Variants in FBXO11 observed in about 807,000 individuals in gnomAD.
The protein encoded by FBXO11 is F-box protein 11.
In FBXO11, 13 loss-of-function variants were observed where a neutral mutation model predicts 117.0. That is an observed-to-expected ratio of 0.11 (90% CI 0.07 to 0.18). The LOEUF (loss-of-function observed/expected upper bound fraction) is 0.18, where lower values mean the gene tolerates loss of function less well. Among genes scored for constraint, FBXO11 ranks in the 10% least tolerant of loss-of-function variants. FBXO11 has a pLI of 1.00. For synonymous variants in FBXO11, 490 were observed against 380.5 expected, an observed-to-expected ratio of 1.29 and a Z score of -3.35; for missense variants, 767 against 1,164.4, an observed-to-expected ratio of 0.66 and a Z score of 4.97.
rs138408700 is a variant in FBXO11 at position 47,832,448 on chromosome 2, T to C, written c.1299A>G (p.Leu433=). The part of the protein sequence containing the change: ...YEDNEISNNA[L]AGIWVKNHGN... ...CATGATTTTTAACCCAAATCCCAGC[T>C]AACGCATTATTGGAAATTTCATTAT... Residue 433 remains leucine, a synonymous_variant, in exon 11 of 23, where the codon TTA becomes TTG. Transcript: ENST00000403359. 3.2e-5 allele frequency: 51 copies of C among 1,613,664 alleles called. No individual in the cohort carries two copies. The highest frequency in any genetic ancestry group is 4.2e-5 in the Non-Finnish European group (49 of 1,179,834).
intron 1 of FBXO11, among the ~76,000 whole-genome samples, chr2:47,899,551 C>T (rs1218844599): frequency 6.6e-6 from 1 of 152,160 alleles, no homozygotes; most frequent in Non-Finnish European, 1.5e-5. Context: ...TAACATTGCT[C>T]ACCAAATGTT....
intron 1 of FBXO11, among the ~76,000 whole-genome samples, chr2:47,876,662 T>C (rs1676028983): frequency 6.6e-6 from 1 of 152,130 alleles, no homozygotes; most frequent in Non-Finnish European, 1.5e-5. Context: ...TTTTTCATTT[T>C]GAAAAGCTTT....
Position 47,905,906 on chromosome 2 carries a change from TAGAC to T in FBXO11, c.-190_-187del, listed in dbSNP as rs970073412. On this transcript the variant is annotated 5_prime_UTR_variant, in exon 1 of 23. Coordinates refer to ENST00000403359, the MANE Select transcript of FBXO11 (RefSeq NM_001190274.2). ...CCCCGAGTCCGGAGAAAGGCCCGGG[TAGAC>T]AGACGGAGACCGAGCGAGGCCGGCC... 2.3e-4 allele frequency: 131 copies of T among 558,594 alleles called. No individual in the cohort carries two copies. Among genetic ancestry groups the T allele is most frequent in the Non-Finnish European group, 3.3e-4 (113 of 344,804 alleles). 34.6% of individuals were successfully genotyped at this position (558,594 alleles called of 1,614,324 possible).
chr2:47,825,905 C>T (rs933655264), intron 11 of FBXO11, among the ~76,000 whole-genome samples: 11 of 151,270 alleles, frequency 7.3e-5, no homozygotes, highest in Admixed American at 1.3e-4. Flanking sequence ...ACTTTTACAG[C>T]GCTGCAAGCA....
chr2:47,899,952 G>A (rs994397491), intron 1 of FBXO11, among the ~76,000 whole-genome samples: 1 of 151,876 alleles, frequency 6.6e-6, no homozygotes, highest in South Asian at 2.1e-4. Context: ...AACGGTGGGG[G>A]GCGGGGGGAC....
chr2:47,895,726 T>A (rs977927374), intron 1 of FBXO11, among the ~76,000 whole-genome samples: 1 of 152,192 alleles, frequency 6.6e-6, no homozygotes. Flanking sequence ...AGAATTTCAC[T>A]CTTTCACCCA....
intron 1 of FBXO11, chr2:47,883,466 T>C: frequency 2.5e-6 from 1 of 404,674 alleles, no homozygotes; most frequent in Non-Finnish European, 4.9e-6. Flanking sequence ...TGCAGATTTT[T>C]GTAAAAACCC....
intron 7 of FBXO11, among the ~76,000 whole-genome samples, 171 bp from the exon 8 acceptor site, chr2:47,833,241 G>GTA (rs1672315364): frequency 6.6e-6 from 1 of 152,132 alleles, no homozygotes; most frequent in South Asian, 2.1e-4. Flanking sequence ...TCCATGCACA[G>GTA]TATTACTTCT....
At chr2:47,879,248 T>C (rs1184546096) in intron 1 of FBXO11, among the ~76,000 whole-genome samples, 1 of 152,246 alleles carries the variant, frequency 6.6e-6, no homozygotes, top group African/African-American at 2.4e-5. Context: ...AATAATCTGA[T>C]ACATGTATCA....
intron 1 of FBXO11, among the ~76,000 whole-genome samples, chr2:47,899,048 G>A (rs1046986763): frequency 4.6e-5 from 7 of 152,050 alleles, no homozygotes; most frequent in African/African-American, 7.2e-5. Flanking sequence ...GCCGAGGCGG[G>A]CGGATCACGA....
intron 7 of FBXO11, among the ~76,000 whole-genome samples, chr2:47,833,808 G>A (rs5022337): frequency 0.079 from 12,067 of 152,010 alleles, 548 homozygotes; most frequent in Non-Finnish European, 0.099. Flanking sequence ...GGGATTACAG[G>A]TGCACACCAC....
At chr2:47,822,919 T>C (rs1412469927) in intron 12 of FBXO11, among the ~76,000 whole-genome samples, 1 of 152,152 alleles carries the variant, frequency 6.6e-6, no homozygotes, top group Non-Finnish European at 1.5e-5. Flanking sequence ...TTTCATAATA[T>C]CACATATGGT....
chr2:47,860,213 C>T (rs1205381165), intron 1 of FBXO11, among the ~76,000 whole-genome samples: 1 of 152,088 alleles, frequency 6.6e-6, no homozygotes, highest in African/African-American at 2.4e-5. Context: ...GCACTTTATT[C>T]CAAATAGTTA....
intron 1 of FBXO11, among the ~76,000 whole-genome samples, chr2:47,887,074 T>C (rs533757952): frequency 6.9e-4 from 105 of 151,872 alleles, no homozygotes; most frequent in African/African-American, 2.3e-3. Context: ...TCATCCGAGA[T>C]TGGGAGTTCA....
At chr2:47,842,512 A>G (rs959372570) in intron 1 of FBXO11, among the ~76,000 whole-genome samples, 4 of 152,166 alleles carry the variant, frequency 2.6e-5, no homozygotes, top group Non-Finnish European at 5.9e-5. Context: ...AGAGTTTGTA[A>G]AAGTGTAATA....
chr2:47,895,079 A>G (rs1436438204), intron 1 of FBXO11, among the ~76,000 whole-genome samples: 1 of 152,230 alleles, frequency 6.6e-6, no homozygotes, highest in Non-Finnish European at 1.5e-5. Context: ...AAGTAAATGG[A>G]AATTTTGTCT....
At chr2:47,882,227 C>T (rs983275707) in intron 1 of FBXO11, among the ~76,000 whole-genome samples, 2 of 152,130 alleles carry the variant, frequency 1.3e-5, no homozygotes, top group East Asian at 1.9e-4. Flanking sequence ...ATCTTTAGCT[C>T]GCACTTTACT....
chr2:47,851,752 A>G (rs190542196), intron 1 of FBXO11, among the ~76,000 whole-genome samples: 1 of 152,330 alleles, frequency 6.6e-6, no homozygotes, highest in East Asian at 1.9e-4. Context: ...ATTTTCACAT[A>G]ATATTTAGAA....
intron 11 of FBXO11, among the ~76,000 whole-genome samples, chr2:47,826,499 C>T (rs1671766185): frequency 6.6e-6 from 1 of 152,078 alleles, no homozygotes; most frequent in Non-Finnish European, 1.5e-5. Context: ...CTTCACTTTC[C>T]AGTTTTAGGT....
Sources: allele counts gnomAD v4.1 joint callset (sites outside exome capture counted in the v4.1 genomes callset), GRCh38; gene constraint gnomAD v4.1.1; transcripts MANE v1.5; gene names NCBI Gene and HGNC (gene_info 2026-07-23, HGNC 2026-07-21).